TSHZ2: variants seen among roughly 807,000 people sequenced by gnomAD.
TSHZ2 encodes teashirt zinc finger homeobox 2, also known as teashirt homolog 2.
TSHZ2 carries 21 observed loss-of-function variants against 74.4 expected under a neutral mutation model. The ratio of observed to expected loss-of-function variants is 0.28; its 90% CI spans 0.20 to 0.41. The LOEUF is 0.41. Ranked by LOEUF, TSHZ2 falls within the 10% of genes least tolerant of loss-of-function variation. The probability of loss-of-function intolerance (pLI) is 1.00; values close to 1 mark genes in which losing one functional copy is unlikely to be tolerated. For missense variants in TSHZ2, 1,244 were observed against 1,293.5 expected (o/e 0.96, Z 0.59); for synonymous variants, 540 against 515.3 (o/e 1.05, Z -0.65).
chr20:53,013,190 C>T (rs369528562), intron 1 of TSHZ2, among the ~76,000 whole-genome samples: 6 of 152,118 alleles, frequency 3.9e-5, no homozygotes, highest in African/African-American at 1.4e-4. Flanking sequence ...TCAGCCATGT[C>T]TTTCTCTCCT....
chr20:53,194,479 G>C (rs1988812254), intron 1 of TSHZ2, among the ~76,000 whole-genome samples: 1 of 152,128 alleles, frequency 6.6e-6, no homozygotes, highest in Non-Finnish European at 1.5e-5. Flanking sequence ...ATGATTTATG[G>C]TTAGTCTCCG....
intron 2 of TSHZ2, among the ~76,000 whole-genome samples, chr20:53,309,531 A>G (rs2145497751): frequency 6.6e-6 from 1 of 152,350 alleles, no homozygotes; most frequent in South Asian, 2.1e-4. Flanking sequence ...TTAATGGGAG[A>G]GTTCAGGAGA....
chr20:53,011,745 T>C (rs1376452763), intron 1 of TSHZ2, among the ~76,000 whole-genome samples: 1 of 152,026 alleles, frequency 6.6e-6, no homozygotes, highest in Non-Finnish European at 1.5e-5. Flanking sequence ...CTCCCCAGAG[T>C]CAGTTTTAAG....
chr20:53,329,135 T>G (rs1006899551), intron 2 of TSHZ2, among the ~76,000 whole-genome samples: 2 of 152,204 alleles, frequency 1.3e-5, no homozygotes, highest in African/African-American at 2.4e-5. Flanking sequence ...TTCTCATCAC[T>G]CGAATGCATT....
intron 1 of TSHZ2, among the ~76,000 whole-genome samples, chr20:53,194,732 G>A (rs1163256883): frequency 6.6e-6 from 1 of 152,234 alleles, no homozygotes; most frequent in Non-Finnish European, 1.5e-5. Context: ...TAAGGCCTGG[G>A]CCAGCTCCAC....
intron 1 of TSHZ2, among the ~76,000 whole-genome samples, chr20:52,983,576 A>G (rs1981646097): frequency 1.3e-5 from 2 of 152,256 alleles, no homozygotes; most frequent in Admixed American, 6.5e-5. Context: ...ATAGGTCTAA[A>G]ACTTTTAGCA....
chr20:52,990,707 GTTAAAC>G (rs1437062133), intron 1 of TSHZ2, among the ~76,000 whole-genome samples: 1 of 152,204 alleles, frequency 6.6e-6, no homozygotes, highest in African/African-American at 2.4e-5. Context: ...ACTTTAAGCA[GTTAAAC>G]TTAAGTTAAT....
chr20:53,308,535 T>A (rs537460696), intron 2 of TSHZ2, among the ~76,000 whole-genome samples: 2 of 152,260 alleles, frequency 1.3e-5, no homozygotes, highest in South Asian at 2.1e-4. Context: ...CACTTAGGAA[T>A]GATCCATGTC....
intron 1 of TSHZ2, among the ~76,000 whole-genome samples, chr20:53,224,657 C>T (rs772837074): frequency 6.6e-6 from 1 of 151,956 alleles, no homozygotes; most frequent in Admixed American, 6.6e-5. Context: ...CAAGACCAAC[C>T]TGGACAACAT....
chr20:53,469,156 C>A (rs979678559), intron 2 of TSHZ2, among the ~76,000 whole-genome samples: 1 of 147,638 alleles, frequency 6.8e-6, no homozygotes, highest in Non-Finnish European at 1.5e-5. Flanking sequence ...CTTCAAGTCT[C>A]TAAACCTAGA....
chr20:53,472,684 T>A (rs1985850860), intron 2 of TSHZ2, among the ~76,000 whole-genome samples: 2 of 151,870 alleles, frequency 1.3e-5, no homozygotes, highest in Admixed American at 1.3e-4. Flanking sequence ...ACAGCTCCAG[T>A]CTACAGCTCC....
At chr20:53,145,357 CCT>C (rs1987514792) in intron 1 of TSHZ2, among the ~76,000 whole-genome samples, 1 of 152,152 alleles carries the variant, frequency 6.6e-6, no homozygotes, top group African/African-American at 2.4e-5. Flanking sequence ...GATAATAGGG[CCT>C]CTGTTTTTCT....
At chr20:53,168,142 CT>C (rs1988105286) in intron 1 of TSHZ2, among the ~76,000 whole-genome samples, 1 of 152,200 alleles carries the variant, frequency 6.6e-6, no homozygotes, top group Admixed American at 6.5e-5. Context: ...ATCAAGTGCA[CT>C]CTCAATTTGA....
chr20:53,330,143 CTT>C, intron 2 of TSHZ2, among the ~76,000 whole-genome samples: 1 of 152,266 alleles, frequency 6.6e-6, no homozygotes, highest in Admixed American at 6.5e-5. Flanking sequence ...CTGATCTAGA[CTT>C]TTTTGTCTCT....
intron 1 of TSHZ2, among the ~76,000 whole-genome samples, chr20:53,051,211 C>T (rs1200886251): frequency 2.0e-5 from 3 of 152,114 alleles, no homozygotes; most frequent in East Asian, 3.9e-4. Context: ...TGGTGGCTGG[C>T]GCCTGTAATC....
chr20:53,006,117 C>T (rs1600641748), intron 1 of TSHZ2, among the ~76,000 whole-genome samples: 1 of 152,128 alleles, frequency 6.6e-6, no homozygotes, highest in African/African-American at 2.4e-5. Flanking sequence ...AAGTTTGCTC[C>T]TATTGAAAGA....
chr20:53,313,961 A>T (rs1037407218), intron 2 of TSHZ2, among the ~76,000 whole-genome samples: 14 of 152,274 alleles, frequency 9.2e-5, no homozygotes, highest in Admixed American at 8.5e-4. Context: ...TATTGGTTCC[A>T]TTATATTCTA....
intron 1 of TSHZ2, among the ~76,000 whole-genome samples, chr20:53,061,410 G>T (rs143003115): frequency 2.4e-3 from 367 of 152,236 alleles, no homozygotes; most frequent in African/African-American, 8.3e-3. Context: ...AAGACACCCT[G>T]AGTCATTCTA....
intron 1 of TSHZ2, among the ~76,000 whole-genome samples, chr20:53,080,780 C>T (rs1985509364): frequency 6.6e-6 from 1 of 152,140 alleles, no homozygotes; most frequent in South Asian, 2.1e-4. Flanking sequence ...GGCCCGCGGC[C>T]CAGGGGCTGG....
Sources: allele counts gnomAD v4.1 joint callset (sites outside exome capture counted in the v4.1 genomes callset), GRCh38; gene constraint gnomAD v4.1.1; transcripts MANE v1.5; gene names NCBI Gene and HGNC (gene_info 2026-07-23, HGNC 2026-07-21).